The following SMOC2 variants were observed in gnomAD, a reference collection of about 807,000 sequenced individuals.
SMOC2 encodes the protein SPARC related modular calcium binding 2, also known as SPARC-related modular calcium-binding protein 2.
SMOC2 carries 39 observed loss-of-function variants against 61.4 expected under a neutral mutation model. The ratio of observed to expected loss-of-function variants is 0.64; its 90% CI spans 0.49 to 0.83. The LOEUF (loss-of-function observed/expected upper bound fraction) is 0.83, where lower values mean the gene tolerates loss of function less well. Ranked by LOEUF, SMOC2 falls within the 40% of genes least tolerant of loss-of-function variation. The probability of loss-of-function intolerance (pLI) is 0.00; values close to 1 mark genes in which losing one functional copy is unlikely to be tolerated. For synonymous variants in SMOC2, 247 were observed against 239.9 expected, an observed-to-expected ratio of 1.03 and a Z score of -0.27; for missense variants, 556 against 592.9, an observed-to-expected ratio of 0.94 and a Z score of 0.65.
intron 8 of SMOC2, among the ~76,000 whole-genome samples, chr6:168,603,776 C>T (rs1307313902): frequency 6.6e-6 from 1 of 151,656 alleles, no homozygotes; most frequent in African/African-American, 2.4e-5. Context: ...AAGGAAATGG[C>T]AGGGGCGACT....
intron 7 of SMOC2, among the ~76,000 whole-genome samples, chr6:168,575,663 A>G (rs56071203): frequency 0.016 from 2,437 of 152,330 alleles, 60 homozygotes; most frequent in African/African-American, 0.056. Context: ...AAAAACATCC[A>G]AAAAATAAAT....
chr6:168,608,842 T>A (rs1476868606), intron 9 of SMOC2, among the ~76,000 whole-genome samples: 1 of 152,224 alleles, frequency 6.6e-6, no homozygotes, highest in African/African-American at 2.4e-5. Flanking sequence ...TGATCTTTTT[T>A]TCTCTAAATA....
chr6:168,490,216 G>C (rs1782441560), intron 1 of SMOC2, among the ~76,000 whole-genome samples: 2 of 150,562 alleles, frequency 1.3e-5, no homozygotes, highest in South Asian at 4.2e-4. Flanking sequence ...CACAGTTTTA[G>C]AGTGAAATAT....
rs9456182 is a variant in SMOC2, at chr6:168,553,814, A to G, written c.637+4611A>G. Reference sequence around the variant, plus strand: ...AGTGACGTGACCTATGGGAAAGAGCACTCAGAAATAATGGGAAGATGGAGA... The same window carrying G: ...AGTGACGTGACCTATGGGAAAGAGCGCTCAGAAATAATGGGAAGATGGAGA... On this transcript the variant is annotated intron_variant, in intron 7 of 12. Transcript: ENST00000356284. The surrounding 1 kb of genome is among the most constrained non-coding windows in gnomAD (Gnocchi z 4.2). Among the ~76,000 whole-genome samples, 1,831 of 152,296 alleles carry G rather than the reference A, an allele frequency of 0.012. 38 individuals are homozygous for G. Among genetic ancestry groups the G allele is most frequent in the African/African-American group, 0.041 (1,722 of 41,554 alleles).
At chr6:168,603,560 T>C (rs1157293388) in intron 8 of SMOC2, among the ~76,000 whole-genome samples, 4 of 152,276 alleles carry the variant, frequency 2.6e-5, no homozygotes, top group Non-Finnish European at 4.4e-5. Context: ...AGGCATTGTA[T>C]TGGGAGCTGG....
rs1008323662 is a variant in SMOC2 at position 168,645,997 on chromosome 6, T to TA, written c.908-4683dup. ...ACTCCTCAGAAGCATCTGAACAACT[T>TA]AGAGAAGAAAGCTCCTTTGTCATCC... On this transcript the variant is annotated intron_variant, in intron 9 of 12. Transcript: ENST00000356284. Among the ~76,000 whole-genome samples, 8 of 152,318 alleles carry TA rather than the reference T, an allele frequency of 5.3e-5. No homozygotes were observed. In the South Asian group the frequency reaches 1.2e-3, roughly 24 times the overall value.
chr6:168,517,027 G>A (rs937738075), intron 2 of SMOC2, among the ~76,000 whole-genome samples: 2 of 152,204 alleles, frequency 1.3e-5, no homozygotes, highest in Admixed American at 1.3e-4. Context: ...AGTGATACAC[G>A]CAGAAGTTTA....
rs149311955 is a variant in SMOC2, at chr6:168,602,841, C to T, written c.824+3837C>T. On this transcript the variant is annotated intron_variant, in intron 8 of 12. Coordinates refer to ENST00000356284, the MANE Select transcript of SMOC2 (RefSeq NM_001166412.2). ...CTCTCTAGGGCCGAGATGCTGGAGG[C>T]AGTTGTAGCCACAGTGGCTGGGGAG... 5.7e-3 allele frequency among the ~76,000 whole-genome samples: 867 copies of T among 152,264 alleles called. 9 individuals carry two copies. The highest frequency in any genetic ancestry group is 0.018 in the African/African-American group (730 of 41,556).
rs773677649 is a variant in SMOC2 at position 168,598,974 on chromosome 6, CG to C, written c.798del (p.Arg267AlafsTer47). 1 of 1,611,354 alleles carries C rather than the reference CG, an allele frequency of 6.2e-7. No individual in the cohort carries two copies. Among genetic ancestry groups the C allele is most frequent in the South Asian group, 1.1e-5 (1 of 90,910 alleles). Reference protein sequence around the residue: ...TGYCWCVLVDTGRPIPGTSTR... With the variant: ...TGYCWCVLVDXGRPIPGTSTR... ...TACTGCTGGTGCGTCCTGGTGGACA[CG>C]GGGCGCCCCATTCCCGGCACATCCA... On this transcript the variant is annotated frameshift_variant, in exon 8 of 13. Coordinates refer to ENST00000356284, the MANE Select transcript of SMOC2 (RefSeq NM_001166412.2). LOFTEE classifies it high-confidence loss of function.
At chr6:168,584,078 G>A (rs1297270664) in intron 7 of SMOC2, among the ~76,000 whole-genome samples, 1 of 152,238 alleles carries the variant, frequency 6.6e-6, no homozygotes, top group Non-Finnish European at 1.5e-5. Flanking sequence ...AAAAACTGGG[G>A]AGCCAGGCCG....
intron 7 of SMOC2, among the ~76,000 whole-genome samples, chr6:168,556,369 G>C (rs1784250984): frequency 1.3e-5 from 2 of 152,254 alleles, no homozygotes; most frequent in Middle Eastern, 3.4e-3. Context: ...AGGGGAGTCC[G>C]GCTCTGCACC....
intron 7 of SMOC2, among the ~76,000 whole-genome samples, chr6:168,574,273 G>A (rs907794444): frequency 3.3e-5 from 5 of 152,202 alleles, no homozygotes; most frequent in African/African-American, 9.6e-5. Context: ...CGGGTAGGTC[G>A]AAGGCTGCTC....
intron 4 of SMOC2, among the ~76,000 whole-genome samples, chr6:168,539,191 C>T (rs1267004237): frequency 1.3e-5 from 2 of 152,134 alleles, no homozygotes; most frequent in Non-Finnish European, 2.9e-5. Flanking sequence ...CTATTTCCTC[C>T]CCTGATTTTA....
At chr6:168,573,790 G>C (rs1025684312) in intron 7 of SMOC2, among the ~76,000 whole-genome samples, 7 of 152,150 alleles carry the variant, frequency 4.6e-5, no homozygotes, top group African/African-American at 9.7e-5. Context: ...TGCCCCCGAC[G>C]TGGGGGCCCA....
At chr6:168,555,712 G>A (rs185815002) in intron 7 of SMOC2, among the ~76,000 whole-genome samples, 118 of 152,292 alleles carry the variant, frequency 7.7e-4, no homozygotes, top group African/African-American at 2.6e-3. Flanking sequence ...GATTCAGATG[G>A]GCAAAGACCT....
At chr6:168,514,116 G>C (rs999853103) in intron 2 of SMOC2, among the ~76,000 whole-genome samples, 53 of 152,098 alleles carry the variant, frequency 3.5e-4, no homozygotes, top group South Asian at 6.2e-4. Flanking sequence ...CCAAAGTGCC[G>C]ACCCCACCCA....
At chr6:168,476,694 G>A (rs1008631000) in intron 1 of SMOC2, among the ~76,000 whole-genome samples, 3 of 151,658 alleles carry the variant, frequency 2.0e-5, no homozygotes, top group African/African-American at 4.8e-5. Flanking sequence ...TCTTACTGTC[G>A]ACATTTAATT....
At chr6:168,651,432 G>A (rs1272264939) in intron 10 of SMOC2, among the ~76,000 whole-genome samples, 1 of 152,092 alleles carries the variant, frequency 6.6e-6, no homozygotes, top group Non-Finnish European at 1.5e-5. Flanking sequence ...AGCCTCAGGA[G>A]AGCAGAAGAA....
At chr6:168,515,501 G>T (rs1783108536) in intron 2 of SMOC2, among the ~76,000 whole-genome samples, 1 of 152,170 alleles carries the variant, frequency 6.6e-6, no homozygotes, top group Admixed American at 6.5e-5. Flanking sequence ...CCTGCTGGGG[G>T]CTGCCTTTGA....
Sources: gnomAD v4.1 joint callset for allele counts (sites outside exome capture counted in the v4.1 genomes callset) on GRCh38, gnomAD v4.1.1 for gene constraint, Gnocchi (gnomAD v3.1) non-coding constraint, MANE v1.5 for transcripts, NCBI Gene and HGNC (gene_info 2026-07-23, HGNC 2026-07-21) for gene names.